SEMA3D: variants seen among roughly 807,000 people sequenced by gnomAD.
The protein encoded by SEMA3D is semaphorin-3D.
Under a neutral mutation model 100.1 loss-of-function variants are expected in SEMA3D, and 84 were observed. The observed-to-expected ratio is 0.84, with a 90% CI of 0.70 to 1.01. SEMA3D has a LOEUF of 1.01. Ranked by LOEUF, SEMA3D falls within the 50% of genes least tolerant of loss-of-function variation. The probability of loss-of-function intolerance (pLI) is 0.00; values close to 1 mark genes in which losing one functional copy is unlikely to be tolerated. For missense variants in SEMA3D, 875 were observed against 934.1 expected (o/e 0.94, Z 0.82); for synonymous variants, 312 against 320.7 (o/e 0.97, Z 0.29).
At chr7:85,069,410 C>T (rs892290345) in intron 6 of SEMA3D, among the ~76,000 whole-genome samples, 2 of 151,990 alleles carry the variant, frequency 1.3e-5, no homozygotes, top group African/African-American at 4.8e-5. Context: ...CACTTTAATA[C>T]AAATAATAAT....
At chr7:85,122,232 C>CA (rs34627101) in intron 2 of SEMA3D, among the ~76,000 whole-genome samples, 77,598 of 143,900 alleles carry the variant, frequency 0.54, 20,954 homozygotes, top group African/African-American at 0.69. Flanking sequence ...ACTTAAAGTA[C>CA]AAAAAAAAAA....
chr7:85,181,593 A>C (rs1354839322), intron 1 of SEMA3D: 1 of 153,164 alleles, frequency 6.5e-6, no homozygotes, highest in Non-Finnish European at 1.5e-5. Context: ...ATTTCAAGTA[A>C]TGTATGTAGC....
At chr7:85,172,448 T>C (rs928669263) in intron 1 of SEMA3D, among the ~76,000 whole-genome samples, 2 of 152,014 alleles carry the variant, frequency 1.3e-5, no homozygotes, top group African/African-American at 2.4e-5. Flanking sequence ...TTAAGTTCAA[T>C]TTCTGGAAAA....
chr7:85,225,091 T>A, the SEMA3D span, among the ~76,000 whole-genome samples: 4 of 12,942 alleles, frequency 3.1e-4, no homozygotes, highest in African/African-American at 4.0e-4. Context: ...TATATATATA[T>A]ATATATATAT....
At position 85,046,619 on chromosome 7, in the gene SEMA3D, T is replaced by G. The variant is rs533731532; in HGVS notation, c.862-4334A>C. On this transcript the variant is annotated intron_variant, in intron 9 of 18. Coordinates refer to ENST00000284136, the MANE Select transcript of SEMA3D (RefSeq NM_001384900.1). Reference sequence around the variant, plus strand: ...AAGCATTTAATGACTGGATAGTAACTCTTACAGACATCCAGAAGCATGACC... The same window carrying G: ...AAGCATTTAATGACTGGATAGTAACGCTTACAGACATCCAGAAGCATGACC... Among the ~76,000 whole-genome samples, 166 of 152,028 alleles carry G rather than the reference T, an allele frequency of 1.1e-3. 1 individual carries two copies. The highest frequency in any genetic ancestry group is 3.9e-3 in the African/African-American group (161 of 41,524).
chr7:85,031,342 G>A (rs79121850), intron 12 of SEMA3D, among the ~76,000 whole-genome samples: 2 of 151,920 alleles, frequency 1.3e-5, no homozygotes, highest in South Asian at 4.1e-4. Flanking sequence ...TTTAACTTAA[G>A]TGTAATATGG....
At chr7:85,070,455 C>G (rs560187514) in intron 6 of SEMA3D, among the ~76,000 whole-genome samples, 1 of 152,276 alleles carries the variant, frequency 6.6e-6, no homozygotes, top group Non-Finnish European at 1.5e-5. Context: ...TTTTCCGCTC[C>G]TTTTGTGTAT....
chr7:85,140,991 G>T, intron 2 of SEMA3D: 1 of 646,128 alleles, frequency 1.5e-6, no homozygotes, highest in Non-Finnish European at 1.9e-6. Flanking sequence ...ACAACAATGA[G>T]ATTATATCAA....
intron 2 of SEMA3D, among the ~76,000 whole-genome samples, chr7:85,135,667 A>G (rs755087134): frequency 5.3e-5 from 8 of 150,918 alleles, no homozygotes; most frequent in African/African-American, 9.7e-5. Flanking sequence ...AAATAAATAA[A>G]TAAATAAATA....
At chr7:85,210,846 A>G in the SEMA3D span, among the ~76,000 whole-genome samples, 3 of 152,060 alleles carry the variant, frequency 2.0e-5, no homozygotes, top group African/African-American at 7.2e-5. Context: ...TTGACTTATT[A>G]CTTACTATGG....
At chr7:85,068,502 T>C (rs1018694890) in intron 6 of SEMA3D, among the ~76,000 whole-genome samples, 6 of 152,076 alleles carry the variant, frequency 3.9e-5, no homozygotes, top group Non-Finnish European at 8.8e-5. Context: ...GGCAATATAA[T>C]ACTGAGTGAA....
the SEMA3D span, among the ~76,000 whole-genome samples, chr7:85,199,935 G>C: frequency 6.6e-6 from 1 of 152,074 alleles, no homozygotes; most frequent in South Asian, 2.1e-4. Context: ...GAGATCTGAT[G>C]GTTTTAGAAG....
upstream of SEMA3D, among the ~76,000 whole-genome samples, chr7:85,189,301 T>C (rs1791642763): frequency 6.6e-6 from 1 of 152,194 alleles, no homozygotes; most frequent in South Asian, 2.1e-4. Context: ...ATAATGTTAA[T>C]ATTCAGTCAC....
chr7:85,055,766 C>T lies in SEMA3D; in HGVS notation c.812G>A (p.Gly271Asp), dbSNP rs777535723. The change falls in exon 9 of 19, where the codon GGC (glycine) becomes GAC (aspartate). Residue 271 changes from glycine to aspartate, a missense_variant. Transcript: ENST00000284136. ...YFFFRESSQE[G>D]STSDKTILSR... ...AAGGATGGTTTTATCGGAGGTACTG[C>T]CTTCTTGAGATGATTCACGAAAGAA... is the stretch of plus-strand genomic sequence containing the variant. 64 of 1,569,794 alleles carry T rather than the reference C, an allele frequency of 4.1e-5. No individual in the cohort carries two copies. The Admixed American group carries it at 1.1e-3, about 27-fold the overall frequency.
the SEMA3D span, among the ~76,000 whole-genome samples, chr7:85,233,066 G>A: frequency 6.6e-6 from 1 of 151,954 alleles, no homozygotes; most frequent in South Asian, 2.1e-4. Flanking sequence ...TAAATTTAAC[G>A]GTAGACCTCT....
intron 2 of SEMA3D, among the ~76,000 whole-genome samples, chr7:85,128,331 C>A (rs751602982): frequency 2.0e-4 from 30 of 151,732 alleles, no homozygotes; most frequent in Non-Finnish European, 3.7e-4. Context: ...CCATGCCTGG[C>A]TAAATTTTTT....
At chr7:85,228,044 T>C in the SEMA3D span, among the ~76,000 whole-genome samples, 25 of 152,322 alleles carry the variant, frequency 1.6e-4, no homozygotes, top group Non-Finnish European at 1.6e-4. Context: ...TAATATTTGT[T>C]ATCAAAGTAT....
At chr7:85,208,629 T>C in the SEMA3D span, among the ~76,000 whole-genome samples, 1 of 152,016 alleles carries the variant, frequency 6.6e-6, no homozygotes, top group South Asian at 2.1e-4. Flanking sequence ...ACATTGGGAA[T>C]TTGAGCCTGG....
intron 10 of SEMA3D, chr7:85,041,276 G>A (rs1285696652): frequency 6.6e-6 from 1 of 152,024 alleles, no homozygotes; most frequent in Non-Finnish European, 1.5e-5. Flanking sequence ...GGCCAGGCTG[G>A]TCTTAAACTC....
Sources: gnomAD v4.1 joint callset for allele counts (sites outside exome capture counted in the v4.1 genomes callset) on GRCh38, gnomAD v4.1.1 for gene constraint, MANE v1.5 for transcripts, NCBI Gene and HGNC (gene_info 2026-07-23, HGNC 2026-07-21) for gene names.